PCNX2: variants seen among roughly 807,000 people sequenced by gnomAD.
PCNX2 encodes the protein pecanex-like protein 2.
A neutral mutation model predicts 223.8 loss-of-function variants in PCNX2; 168 were observed. The ratio of observed to expected loss-of-function variants is 0.75; its 90% CI spans 0.66 to 0.85. The LOEUF (loss-of-function observed/expected upper bound fraction) is 0.85. Ranked by LOEUF, PCNX2 falls within the 40% of genes least tolerant of loss-of-function variation. The probability of loss-of-function intolerance (pLI) is 0.00; values close to 1 mark genes in which losing one functional copy is unlikely to be tolerated. For synonymous variants in PCNX2, 1,006 were observed against 1,052.6 expected (o/e 0.96, Z 0.86); for missense variants, 2,507 against 2,675.5 (o/e 0.94, Z 1.39).
At chr1:233,060,475 AAGTTAAGCTGCCTGT>A (rs1672364847) in intron 23 of PCNX2, among the ~76,000 whole-genome samples, 1 of 152,176 alleles carries the variant, frequency 6.6e-6, no homozygotes, top group Non-Finnish European at 1.5e-5. Context: ...AGCAATAACT[AAGTTAAGCTGCCTGT>A]GTACCCCCAG....
intron 9 of PCNX2, among the ~76,000 whole-genome samples, chr1:233,234,390 T>C (rs2102958116): frequency 6.6e-6 from 1 of 152,318 alleles, no homozygotes; most frequent in African/African-American, 2.4e-5. Context: ...CATACCCATA[T>C]ATATTAGAAT....
intron 24 of PCNX2, 167 bp from the exon 25 acceptor site, chr1:233,054,650 T>G: frequency 1.7e-6 from 1 of 578,292 alleles, no homozygotes; most frequent in Non-Finnish European, 3.0e-6. Flanking sequence ...TATGAGACCC[T>G]CCAATTTTTT....
intron 21 of PCNX2, among the ~76,000 whole-genome samples, chr1:233,103,285 A>T (rs923376885): frequency 1.3e-5 from 2 of 152,146 alleles, no homozygotes; most frequent in Non-Finnish European, 2.9e-5. Context: ...TAAATAATCC[A>T]GTTATATTCT....
At chr1:233,151,067 G>A (rs929744444) in intron 19 of PCNX2, among the ~76,000 whole-genome samples, 4 of 152,120 alleles carry the variant, frequency 2.6e-5, no homozygotes, top group African/African-American at 7.2e-5. Context: ...CAAGGACAAC[G>A]TGCTTACTTT....
chr1:233,016,435 G>A (rs542538900), intron 27 of PCNX2, among the ~76,000 whole-genome samples: 13 of 152,034 alleles, frequency 8.6e-5, no homozygotes, highest in African/African-American at 2.9e-4. Context: ...ATTTCTAAGA[G>A]GCAGGATTCA....
chr1:233,232,633 TCTC>T (rs1267673734), intron 9 of PCNX2, among the ~76,000 whole-genome samples: 1 of 152,304 alleles, frequency 6.6e-6, no homozygotes, highest in Non-Finnish European at 1.5e-5. Context: ...ATAATTGATG[TCTC>T]CTCTTTTTCA....
intron 1 of PCNX2, chr1:233,291,630 A>AGGAAGAATG (rs1661772966): frequency 2.0e-6 from 1 of 506,612 alleles, no homozygotes; most frequent in Admixed American, 6.4e-5. Context: ...AAAAAAAAAG[A>AGGAAGAATG]GGAAGAATGG....
chr1:233,177,937 C>T, intron 16 of PCNX2, 39 bp from the exon 17 acceptor site: 1 of 1,536,048 alleles, frequency 6.5e-7, no homozygotes. Flanking sequence ...CAAAGATGTT[C>T]CTGGGACAGT....
intron 23 of PCNX2, among the ~76,000 whole-genome samples, chr1:233,077,122 C>T (rs1673127929): frequency 6.6e-6 from 1 of 152,126 alleles, no homozygotes; most frequent in Non-Finnish European, 1.5e-5. Flanking sequence ...TCACTTTAGC[C>T]TTGTAACAGA....
At chr1:233,307,387 C>G in the PCNX2 span, among the ~76,000 whole-genome samples, 1 of 152,064 alleles carries the variant, frequency 6.6e-6, no homozygotes, top group Non-Finnish European at 1.5e-5. Flanking sequence ...CACCTCCCTC[C>G]TCTCTCTCTT....
chr1:233,107,091 C>T (rs999580817), intron 21 of PCNX2, among the ~76,000 whole-genome samples: 25 of 152,124 alleles, frequency 1.6e-4, no homozygotes, highest in African/African-American at 5.1e-4. Flanking sequence ...TTTCTGTTAT[C>T]TGCTTTACTC....
At chr1:233,031,787 T>C (rs1671275626) in intron 25 of PCNX2, 2 of 359,654 alleles carry the variant, frequency 5.6e-6, no homozygotes, top group South Asian at 1.3e-4. Context: ...AAAGCATTCT[T>C]TTTTTTTTTT....
chr1:233,135,027 T>C lies in PCNX2; in HGVS notation c.3823A>G (p.Ile1275Val). Residue 1275 changes from isoleucine (I) to valine (V), a missense_variant, in exon 21 of 34, where the codon ATT (isoleucine) becomes GTT (valine). Ile to Val is a conservative substitution (Grantham distance 29). Around this residue, in one of 3 missense-constraint regions of PCNX2, gnomAD observed 1,372 missense variants for 1,509.4 expected, o/e 0.91. Coordinates refer to ENST00000258229, the MANE Select transcript of PCNX2 (RefSeq NM_014801.4). ...AATTCACTTGCCTTGCTAAATAAAA[T>C]GGACACCATGAAGAAATCCAGTAAG... is the stretch of plus-strand genomic sequence containing the variant. Reference protein sequence around the residue: ...SFLLDFFMVSILFSKLGDLLH... With the variant: ...SFLLDFFMVSVLFSKLGDLLH... 1.5e-5 allele frequency: 24 copies of C among 1,606,170 alleles called. No individual in the cohort carries two copies. Among genetic ancestry groups the C allele is most frequent in the Non-Finnish European group, 2.0e-5 (24 of 1,172,784 alleles).
chr1:233,094,861 C>A (rs1486983501), intron 22 of PCNX2, among the ~76,000 whole-genome samples: 1 of 152,128 alleles, frequency 6.6e-6, no homozygotes, highest in Non-Finnish European at 1.5e-5. Flanking sequence ...ATTCTAGGAT[C>A]CCGCCCAGTG....
chr1:233,225,110 TAAAAAAAAAAAAAAA>T (rs71173259), intron 10 of PCNX2, among the ~76,000 whole-genome samples: 1 of 42,218 alleles, frequency 2.4e-5, no homozygotes. Context: ...AGAACTAAAG[TAAAAAAAAAAAAAAA>T]AAAAAAAAAA....
At chr1:233,287,953 G>A (rs373646354) in intron 1 of PCNX2, among the ~76,000 whole-genome samples, 46 of 152,296 alleles carry the variant, frequency 3.0e-4, no homozygotes, top group South Asian at 1.0e-3. Flanking sequence ...GCTCAGAAGC[G>A]TTGGCTGTGA....
intron 1 of PCNX2, among the ~76,000 whole-genome samples, chr1:233,275,827 C>T (rs1161625122): frequency 1.3e-5 from 2 of 151,776 alleles, no homozygotes; most frequent in South Asian, 2.1e-4. Flanking sequence ...GTCAGGAGAT[C>T]GAGACCATCC....
intron 21 of PCNX2, chr1:233,112,714 C>G: frequency 3.6e-5 from 22 of 617,880 alleles, no homozygotes; most frequent in East Asian, 2.4e-4. Context: ...GATCTTTGAA[C>G]AATATAACTA....
intron 13 of PCNX2, among the ~76,000 whole-genome samples, chr1:233,207,426 G>A (rs1572077939): frequency 6.6e-6 from 1 of 152,284 alleles, no homozygotes; most frequent in East Asian, 1.9e-4. Context: ...GCTGGTCAAT[G>A]TGATCACAGA....
Sources: allele counts gnomAD v4.1 joint callset (sites outside exome capture counted in the v4.1 genomes callset), GRCh38; gene constraint gnomAD v4.1.1; regional missense constraint gnomAD v4.1.1; transcripts MANE v1.5; gene names NCBI Gene and HGNC (gene_info 2026-07-23, HGNC 2026-07-21).